The following FAF1 variants were observed in gnomAD, a reference collection of about 807,000 sequenced individuals.
FAF1 encodes the protein FAS-associated factor 1.
FAF1 carries 25 observed loss-of-function variants against 92.5 expected under a neutral mutation model. The ratio of observed to expected loss-of-function variants is 0.27; its 90% CI spans 0.20 to 0.38. FAF1 has a LOEUF of 0.38. FAF1 is among the 10% of genes least tolerant of loss of function. The pLI, the probability that FAF1 is intolerant of heterozygous loss-of-function variation, is 1.00. For missense variants in FAF1, 636 were observed against 793.3 expected (o/e 0.80, Z 2.38); for synonymous variants, 234 against 273.2 (o/e 0.86, Z 1.42).
intron 1 of FAF1, among the ~76,000 whole-genome samples, chr1:50,884,972 G>T (rs1378368643): frequency 6.6e-6 from 1 of 151,988 alleles, no homozygotes; most frequent in Non-Finnish European, 1.5e-5. Flanking sequence ...GTCTCTTCAG[G>T]TTTTAGATTT....
chr1:50,919,479 A>G (rs1323193398), intron 1 of FAF1, among the ~76,000 whole-genome samples: 1 of 152,000 alleles, frequency 6.6e-6, no homozygotes, highest in Non-Finnish European at 1.5e-5. Flanking sequence ...GCCGGGGGGT[A>G]AATAGAAGAA....
At chr1:50,760,298 G>A (rs962977005) in intron 4 of FAF1, among the ~76,000 whole-genome samples, 7 of 152,018 alleles carry the variant, frequency 4.6e-5, no homozygotes, top group South Asian at 2.1e-4. Context: ...AGTCAACAAC[G>A]ATACCCAGGA....
chr1:50,603,306 A>C (rs1410970516), intron 8 of FAF1, among the ~76,000 whole-genome samples: 1 of 152,244 alleles, frequency 6.6e-6, no homozygotes, highest in Admixed American at 6.5e-5. Flanking sequence ...TGTACAAATC[A>C]TAAAACAACC....
At chr1:50,618,740 T>C (rs567029989) in intron 8 of FAF1, among the ~76,000 whole-genome samples, 1 of 151,924 alleles carries the variant, frequency 6.6e-6, no homozygotes, top group Non-Finnish European at 1.5e-5. Flanking sequence ...AATATAAGAA[T>C]AGCAAAGCTT....
intron 6 of FAF1, among the ~76,000 whole-genome samples, chr1:50,709,207 C>A (rs1311161235): frequency 6.6e-6 from 1 of 152,144 alleles, no homozygotes; most frequent in Non-Finnish European, 1.5e-5. Context: ...CCTTTGCTCC[C>A]TTCCAAATAC....
chr1:50,771,918 A>T (rs1467839646), intron 4 of FAF1, among the ~76,000 whole-genome samples: 1 of 152,170 alleles, frequency 6.6e-6, no homozygotes, highest in African/African-American at 2.4e-5. Context: ...ACAAACAAAC[A>T]AACAAAATGC....
chr1:50,762,380 A>C (rs928302720), intron 4 of FAF1, among the ~76,000 whole-genome samples: 7 of 152,250 alleles, frequency 4.6e-5, no homozygotes, highest in African/African-American at 1.7e-4. Context: ...CTGCATCGCC[A>C]AGTCAATCCT....
intron 1 of FAF1, among the ~76,000 whole-genome samples, chr1:50,947,807 C>T (rs1341836450): frequency 2.0e-5 from 3 of 152,178 alleles, no homozygotes; most frequent in South Asian, 4.1e-4. Flanking sequence ...TTCTCAATGA[C>T]AGATTTTATT....
intron 2 of FAF1, among the ~76,000 whole-genome samples, chr1:50,845,838 C>T (rs1444437634): frequency 3.9e-5 from 6 of 151,914 alleles, no homozygotes; most frequent in Admixed American, 6.6e-5. Flanking sequence ...AAGGAAGACT[C>T]GTGGCCAGGC....
intron 1 of FAF1, among the ~76,000 whole-genome samples, chr1:50,925,587 C>A (rs960737514): frequency 1.3e-5 from 2 of 151,986 alleles, no homozygotes; most frequent in Non-Finnish European, 2.9e-5. Context: ...TTATCAAAGA[C>A]AAAAAATTAC....
At chr1:50,486,715 C>G (rs1008617182) in intron 17 of FAF1, among the ~76,000 whole-genome samples, 1 of 152,160 alleles carries the variant, frequency 6.6e-6, no homozygotes, top group Non-Finnish European at 1.5e-5. Flanking sequence ...GAGGGCTGGA[C>G]TATGCCTCGC....
At chr1:50,781,917 AT>A (rs1198090330) in intron 4 of FAF1, among the ~76,000 whole-genome samples, 1 of 152,214 alleles carries the variant, frequency 6.6e-6, no homozygotes, top group Admixed American at 6.5e-5. Flanking sequence ...GACCACATAT[AT>A]TATACCAAGG....
At position 50,788,050 on chromosome 1, in the gene FAF1, T is replaced by C. The variant is rs1233489348; in HGVS notation, c.317A>G (p.Glu106Gly). 68 of 1,614,192 alleles carry C rather than the reference T, an allele frequency of 4.2e-5. No individual in the cohort carries two copies. The highest frequency in any genetic ancestry group is 5.7e-5 in the Non-Finnish European group (67 of 1,180,038). Residue 106 changes from glutamate (E) to glycine (G), a missense_variant, in exon 4 of 19, where the codon GAA (glutamate) becomes GGA (glycine). This residue lies in a region of FAF1 where 317 missense variants were observed against 342.4 expected (regional missense o/e 0.93). Coordinates refer to ENST00000396153, the MANE Select transcript of FAF1 (RefSeq NM_007051.3). ...CACATCAACATTTCTGTCTCTGTAT[T>C]CAACCCTGAAGTCCAGCATCCGAGG... Reference protein sequence around the residue: ...RQPRMLDFRVEYRDRNVDVVL... With the variant: ...RQPRMLDFRVGYRDRNVDVVL...
chr1:50,549,372 G>A (rs1305741676), intron 13 of FAF1, among the ~76,000 whole-genome samples: 2 of 152,122 alleles, frequency 1.3e-5, no homozygotes, highest in Non-Finnish European at 2.9e-5. Context: ...GCAGTGGCAT[G>A]ATCATAGCTC....
intron 4 of FAF1, among the ~76,000 whole-genome samples, chr1:50,779,181 C>G (rs1327767259): frequency 6.6e-6 from 1 of 152,166 alleles, no homozygotes; most frequent in Non-Finnish European, 1.5e-5. Flanking sequence ...AATTCTTTTG[C>G]TATTTCTACC....
At chr1:50,726,744 G>C (rs1399493879) in intron 6 of FAF1, among the ~76,000 whole-genome samples, 1 of 152,148 alleles carries the variant, frequency 6.6e-6, no homozygotes, top group Non-Finnish European at 1.5e-5. Flanking sequence ...CAGGAGAATG[G>C]CGTGAATCCG....
intron 6 of FAF1, among the ~76,000 whole-genome samples, chr1:50,732,678 T>C (rs1481752742): frequency 2.0e-5 from 3 of 152,174 alleles, no homozygotes; most frequent in Non-Finnish European, 4.4e-5. Flanking sequence ...GTAAATTCTA[T>C]TTGAGAGTTT....
intron 7 of FAF1, among the ~76,000 whole-genome samples, chr1:50,695,524 A>AT (rs1170425076): frequency 3.3e-5 from 5 of 152,200 alleles, no homozygotes; most frequent in African/African-American, 1.2e-4. Context: ...TTAACTATAC[A>AT]TTTAAGAGGT....
chr1:50,629,420 C>T (rs994584098), intron 8 of FAF1, among the ~76,000 whole-genome samples: 3 of 152,018 alleles, frequency 2.0e-5, no homozygotes, highest in Admixed American at 6.6e-5. Context: ...CTGCCTGCCT[C>T]GGCCTCCTGA....
Sources: allele counts gnomAD v4.1 joint callset (sites outside exome capture counted in the v4.1 genomes callset), GRCh38; gene constraint gnomAD v4.1.1; regional missense constraint gnomAD v4.1.1; transcripts MANE v1.5; gene names NCBI Gene and HGNC (gene_info 2026-07-23, HGNC 2026-07-21).